CFAP210: variants seen among roughly 807,000 people sequenced by gnomAD.
The protein encoded by CFAP210 is cilia and flagella associated protein 210.
At chr2:169,669,774 TAAAAAA>T in the CFAP210 span, among the ~76,000 whole-genome samples, 11 of 133,200 alleles carry the variant, frequency 8.3e-5, no homozygotes, top group South Asian at 2.5e-4. Context: ...GACTCCGTCT[TAAAAAA>T]AAAAAAAAAA....
At chr2:169,693,713 ATTT>A in the CFAP210 span, among the ~76,000 whole-genome samples, 1 of 151,938 alleles carries the variant, frequency 6.6e-6, no homozygotes, top group African/African-American at 2.4e-5. Context: ...ATGTCACACG[ATTT>A]TTTTTTAACT....
chr2:169,652,644 C>G, the CFAP210 span, among the ~76,000 whole-genome samples: 1 of 152,070 alleles, frequency 6.6e-6, no homozygotes, highest in Non-Finnish European at 1.5e-5. Context: ...ATAAAAATCT[C>G]TGCCCTCATG....
chr2:169,676,033 T>G, the CFAP210 span, among the ~76,000 whole-genome samples: 15 of 152,250 alleles, frequency 9.9e-5, no homozygotes, highest in Admixed American at 2.6e-4. Flanking sequence ...GTGTTTCGTC[T>G]GGCTGAAATC....
chr2:169,676,661 C>T, the CFAP210 span, among the ~76,000 whole-genome samples: 26 of 152,044 alleles, frequency 1.7e-4, no homozygotes, highest in African/African-American at 6.0e-4. Flanking sequence ...ATAATTCTTC[C>T]CTCTTTGAGA....
chr2:169,683,209 C>A, the CFAP210 span, among the ~76,000 whole-genome samples: 3 of 152,074 alleles, frequency 2.0e-5, no homozygotes, highest in Admixed American at 2.0e-4. Flanking sequence ...CAAAATAAAG[C>A]CAAACAAAGC....
At chr2:169,656,964 CAA>C in the CFAP210 span, among the ~76,000 whole-genome samples, 5 of 40,328 alleles carry the variant, frequency 1.2e-4, no homozygotes, top group Admixed American at 4.1e-4. Flanking sequence ...GACTCCATCT[CAA>C]AAAAAAAAAA....
At chr2:169,671,290 G>A in the CFAP210 span, among the ~76,000 whole-genome samples, 1 of 152,036 alleles carries the variant, frequency 6.6e-6, no homozygotes, top group African/African-American at 2.4e-5. Context: ...TTTTAGCATG[G>A]CTTATTACTA....
At chr2:169,646,215 A>C in the CFAP210 span, 4 of 1,486,124 alleles carry the variant, frequency 2.7e-6, no homozygotes, top group Non-Finnish European at 3.7e-6. Flanking sequence ...TTAACTTAAT[A>C]TTGGTTAAGA....
the CFAP210 span, among the ~76,000 whole-genome samples, chr2:169,683,136 A>T: frequency 6.6e-6 from 1 of 152,260 alleles, no homozygotes; most frequent in Non-Finnish European, 1.5e-5. Flanking sequence ...TGGTGACTAA[A>T]CTAAAGTGTG....
At chr2:169,688,789 T>C in the CFAP210 span, among the ~76,000 whole-genome samples, 2 of 152,222 alleles carry the variant, frequency 1.3e-5, no homozygotes, top group East Asian at 3.8e-4. Flanking sequence ...CATTTTCCTG[T>C]CTTCTTCTGA....
chr2:169,682,851 G>C, the CFAP210 span, among the ~76,000 whole-genome samples: 3 of 152,108 alleles, frequency 2.0e-5, no homozygotes, highest in African/African-American at 7.2e-5. Context: ...TTACCCTTCT[G>C]AATCTGTTTC....
At chr2:169,652,356 A>C in the CFAP210 span, among the ~76,000 whole-genome samples, 1 of 152,238 alleles carries the variant, frequency 6.6e-6, no homozygotes, top group African/African-American at 2.4e-5. Context: ...GTAGAATTCC[A>C]AAAAATAGTA....
the CFAP210 span, among the ~76,000 whole-genome samples, chr2:169,678,661 C>A: frequency 6.6e-6 from 1 of 151,856 alleles, no homozygotes; most frequent in African/African-American, 2.4e-5. Flanking sequence ...CCAGTCTCTA[C>A]TAAAAATACA....
At chr2:169,674,826 T>C in the CFAP210 span, 1 of 1,496,184 alleles carries the variant, frequency 6.7e-7, no homozygotes, top group South Asian at 1.4e-5. Flanking sequence ...TGTACAGATA[T>C]GTTAAAGATA....
At chr2:169,690,294 A>C in the CFAP210 span, among the ~76,000 whole-genome samples, 2 of 152,222 alleles carry the variant, frequency 1.3e-5, no homozygotes, top group Non-Finnish European at 2.9e-5. Context: ...ATGAGCTGGA[A>C]AGTGCTCCTT....
chr2:169,686,969 AT>A, the CFAP210 span, among the ~76,000 whole-genome samples: 1 of 152,218 alleles, frequency 6.6e-6, no homozygotes, highest in African/African-American at 2.4e-5. Flanking sequence ...CCTCAGAATC[AT>A]GGTGAGAGGC....
At chr2:169,679,218 T>C in the CFAP210 span, among the ~76,000 whole-genome samples, 1,584 of 152,324 alleles carry the variant, frequency 0.01, 12 homozygotes, top group Non-Finnish European at 0.015. Context: ...CCAAAAAATA[T>C]GTATTTCTTT....
At chr2:169,675,113 T>A in the CFAP210 span, 1 of 1,042,646 alleles carries the variant, frequency 9.6e-7, no homozygotes, top group Non-Finnish European at 1.3e-6. Flanking sequence ...CATAATAATA[T>A]GATAATTTGA....
At chr2:169,651,801 C>T in the CFAP210 span, among the ~76,000 whole-genome samples, 1 of 152,040 alleles carries the variant, frequency 6.6e-6, no homozygotes, top group Non-Finnish European at 1.5e-5. Context: ...CCTCACAATA[C>T]TCTGTCTGGA....
Sources: allele counts gnomAD v4.1 joint callset (sites outside exome capture counted in the v4.1 genomes callset), GRCh38; gene constraint gnomAD v4.1.1; transcripts MANE v1.5; gene names NCBI Gene and HGNC (gene_info 2026-07-23, HGNC 2026-07-21).